The following NLGN1 variants were observed in gnomAD, a reference collection of about 807,000 sequenced individuals.
NLGN1 encodes neuroligin 1.
Under a neutral mutation model 65.5 loss-of-function variants are expected in NLGN1, and 12 were observed. The ratio of observed to expected loss-of-function variants is 0.18; its 90% CI spans 0.12 to 0.30. The LOEUF (loss-of-function observed/expected upper bound fraction) is 0.30, where lower values mean the gene tolerates loss of function less well. NLGN1 is among the 10% of genes least tolerant of loss of function. NLGN1 has a pLI of 1.00. For missense variants in NLGN1, 750 were observed against 1,007.1 expected (o/e 0.74, Z 3.46); for synonymous variants, 350 against 359.5 (o/e 0.97, Z 0.30).
At chr3:173,762,943 G>C (rs1778201202) in intron 3 of NLGN1, among the ~76,000 whole-genome samples, 1 of 142,984 alleles carries the variant, frequency 7.0e-6, no homozygotes, top group Non-Finnish European at 1.5e-5. Context: ...CAGGCAATGG[G>C]ATTGTGTAAA....
intron 3 of NLGN1, among the ~76,000 whole-genome samples, chr3:173,617,537 G>A (rs3913565): frequency 0.91 from 138,788 of 152,270 alleles, 63,384 homozygotes; most frequent in South Asian, 0.97. Context: ...TGCCATCACT[G>A]TTTGTTTATG....
chr3:173,467,402 C>A (rs756568734), intron 2 of NLGN1, among the ~76,000 whole-genome samples: 1 of 151,888 alleles, frequency 6.6e-6, no homozygotes, highest in Non-Finnish European at 1.5e-5. Flanking sequence ...TTATAAATTC[C>A]TAAAAATGGA....
chr3:174,071,868 A>G lies in NLGN1; in HGVS notation c.647-203447A>G, dbSNP rs116453978. On this transcript the variant is annotated intron_variant, in intron 4 of 6. Coordinates refer to ENST00000457714, the Ensembl canonical transcript of NLGN1. ...CTGTGAGAAACTAAGTATTTCCAAGAATATAGAGACAATGGTTTGCTCTCA... is the reference window on the plus strand; with the variant it reads ...CTGTGAGAAACTAAGTATTTCCAAGGATATAGAGACAATGGTTTGCTCTCA... 6.5e-3 allele frequency among the ~76,000 whole-genome samples: 988 copies of G among 152,284 alleles called. 6 individuals are homozygous for G. The highest frequency in any genetic ancestry group is 0.022 in the African/African-American group (931 of 41,556).
intron 1 of NLGN1, among the ~76,000 whole-genome samples, chr3:173,431,157 G>A (rs534538074): frequency 8.7e-4 from 132 of 152,106 alleles, no homozygotes; most frequent in Non-Finnish European, 1.5e-3. Context: ...ATTTTAGGGC[G>A]GAACACATGA....
At chr3:173,539,865 TTA>T (rs1420266608) in intron 2 of NLGN1, among the ~76,000 whole-genome samples, 6 of 118,854 alleles carry the variant, frequency 5.0e-5, no homozygotes, top group South Asian at 3.1e-4. Context: ...TATGTATGTG[TTA>T]TATATATCTT....
chr3:173,932,760 T>C (rs564962472), intron 4 of NLGN1, among the ~76,000 whole-genome samples: 2 of 152,244 alleles, frequency 1.3e-5, no homozygotes, highest in African/African-American at 4.8e-5. Context: ...TGTTCAGCCC[T>C]CTTGAAGGCT....
chr3:173,432,647 A>C (rs987245114), intron 1 of NLGN1, among the ~76,000 whole-genome samples: 10 of 152,118 alleles, frequency 6.6e-5, no homozygotes, highest in Non-Finnish European at 1.2e-4. Flanking sequence ...ATATGTCTTT[A>C]ATAATCATTT....
intron 4 of NLGN1, among the ~76,000 whole-genome samples, chr3:174,163,033 TG>T (rs1726847465): frequency 6.6e-6 from 1 of 151,890 alleles, no homozygotes; most frequent in South Asian, 2.1e-4. Flanking sequence ...GCAAGTTCCC[TG>T]GATCTTCATT....
At chr3:173,537,552 C>G (rs1009367160) in intron 2 of NLGN1, among the ~76,000 whole-genome samples, 1 of 151,948 alleles carries the variant, frequency 6.6e-6, no homozygotes, top group Non-Finnish European at 1.5e-5. Context: ...AGAAGAACTA[C>G]TCATAACAAT....
chr3:174,138,689 C>G lies in NLGN1; in HGVS notation c.647-136626C>G, dbSNP rs57013547. Among the ~76,000 whole-genome samples, 612 of 152,220 alleles carry G rather than the reference C, an allele frequency of 4.0e-3. 5 individuals are homozygous for G. Among genetic ancestry groups the G allele is most frequent in the African/African-American group, 0.014 (584 of 41,522 alleles). Reference sequence around the variant, plus strand: ...GACCTCGTGATCCGCCCGCCTCGGCCTCCCAAAGTGCTGGGATTACAGGTG... The same window carrying G: ...GACCTCGTGATCCGCCCGCCTCGGCGTCCCAAAGTGCTGGGATTACAGGTG... On this transcript the variant is annotated intron_variant, in intron 4 of 6. Transcript: ENST00000457714.
chr3:173,746,389 T>C (rs1433914449), intron 3 of NLGN1, among the ~76,000 whole-genome samples: 1 of 152,132 alleles, frequency 6.6e-6, no homozygotes, highest in African/African-American at 2.4e-5. Context: ...CTAGACTCTA[T>C]ATGACCTTTT....
intron 2 of NLGN1, among the ~76,000 whole-genome samples, chr3:173,505,952 C>T (rs1731963476): frequency 6.6e-6 from 1 of 151,938 alleles, no homozygotes; most frequent in South Asian, 2.1e-4. Flanking sequence ...AATGAATGAA[C>T]AAATGAACAA....
intron 3 of NLGN1, among the ~76,000 whole-genome samples, chr3:173,794,153 C>T (rs980580470): frequency 6.6e-6 from 1 of 152,142 alleles, no homozygotes; most frequent in Non-Finnish European, 1.5e-5. Context: ...TTTCAGCCCT[C>T]AGGCCACATT....
chr3:173,816,889 C>T (rs1298691447), intron 4 of NLGN1, among the ~76,000 whole-genome samples: 1 of 152,244 alleles, frequency 6.6e-6, no homozygotes, highest in Non-Finnish European at 1.5e-5. Flanking sequence ...TAACAAGAGC[C>T]ATCACTTCGT....
At chr3:173,801,500 A>G (rs887526709) in intron 3 of NLGN1, among the ~76,000 whole-genome samples, 1 of 152,078 alleles carries the variant, frequency 6.6e-6, no homozygotes, top group African/African-American at 2.4e-5. Flanking sequence ...CAAGGGAACT[A>G]TGGGTAAATA....
intron 3 of NLGN1, among the ~76,000 whole-genome samples, chr3:173,682,074 TG>T (rs1764014364): frequency 6.6e-6 from 1 of 152,166 alleles, no homozygotes; most frequent in African/African-American, 2.4e-5. Flanking sequence ...AGTGTTTTTC[TG>T]TGGGTAATTT....
chr3:173,814,536 C>T (rs528104341), intron 4 of NLGN1, among the ~76,000 whole-genome samples: 5 of 152,152 alleles, frequency 3.3e-5, no homozygotes, highest in South Asian at 2.1e-4. Context: ...TCAAGTGGCC[C>T]GCAGTAAAAG....
intron 2 of NLGN1, among the ~76,000 whole-genome samples, chr3:173,596,265 T>C (rs1318211369): frequency 1.3e-5 from 2 of 152,184 alleles, no homozygotes; most frequent in Non-Finnish European, 2.9e-5. Context: ...GAACCGTTTA[T>C]ATACTCTGCA....
intron 3 of NLGN1, among the ~76,000 whole-genome samples, chr3:173,661,026 A>G (rs1298647989): frequency 6.6e-6 from 1 of 152,004 alleles, no homozygotes; most frequent in Non-Finnish European, 1.5e-5. Context: ...CTGAAAAGCA[A>G]ACGTGAATGA....
Sources: allele counts gnomAD v4.1 joint callset (sites outside exome capture counted in the v4.1 genomes callset), GRCh38; gene constraint gnomAD v4.1.1; transcripts MANE v1.5; gene names NCBI Gene and HGNC (gene_info 2026-07-23, HGNC 2026-07-21).